The following SLC13A3 variants were observed in gnomAD, a reference collection of about 807,000 sequenced individuals.
SLC13A3 encodes solute carrier family 13 member 3.
In SLC13A3, 40 loss-of-function variants were observed where a neutral mutation model predicts 59.0. The ratio of observed to expected loss-of-function variants is 0.68; its 90% confidence interval spans 0.53 to 0.88. The LOEUF is 0.88. Among genes scored for constraint, SLC13A3 ranks in the 40% least tolerant of loss-of-function variants. The probability of loss-of-function intolerance (pLI) is 0.00; values close to 1 mark genes in which losing one functional copy is unlikely to be tolerated. For missense variants in SLC13A3, 699 were observed against 783.2 expected (o/e 0.89, Z 1.28); for synonymous variants, 317 against 330.3 (o/e 0.96, Z 0.44).
chr20:46,603,515 C>A (rs2062401972), intron 3 of SLC13A3, among the ~76,000 whole-genome samples: 1 of 151,520 alleles, frequency 6.6e-6, no homozygotes, highest in Non-Finnish European at 1.5e-5. Flanking sequence ...GCTGGGACCA[C>A]AGGCATGTGC....
intron 1 of SLC13A3, among the ~76,000 whole-genome samples, chr20:46,632,897 A>C (rs1173667715): frequency 4.2e-4 from 2 of 4,792 alleles, no homozygotes; most frequent in Non-Finnish European, 8.9e-4. Flanking sequence ...AGATAGATAG[A>C]TAGATAGATA....
intron 3 of SLC13A3, among the ~76,000 whole-genome samples, chr20:46,607,443 T>C (rs966250394): frequency 6.6e-6 from 1 of 152,216 alleles, no homozygotes; most frequent in African/African-American, 2.4e-5. Context: ...GGAATAGCTC[T>C]CTTTGTACTG....
At chr20:46,671,779 G>C (rs1053780664), upstream of SLC13A3, among the ~76,000 whole-genome samples, 3 of 152,148 alleles carry the variant, frequency 2.0e-5, no homozygotes, top group Non-Finnish European at 2.9e-5. Context: ...GTAGATACTT[G>C]TACCGGCATC....
intron 3 of SLC13A3, chr20:46,608,686 CT>C: frequency 1.7e-6 from 1 of 593,768 alleles, no homozygotes; most frequent in Non-Finnish European, 2.7e-6. Context: ...GTGAGATTAA[CT>C]TAGATGGTAC....
At chr20:46,606,108 A>G (rs567378376) in intron 3 of SLC13A3, among the ~76,000 whole-genome samples, 3 of 152,356 alleles carry the variant, frequency 2.0e-5, no homozygotes, top group Admixed American at 6.5e-5. Flanking sequence ...GTGAAGATTC[A>G]CAACAATGAG....
intron 9 of SLC13A3, among the ~76,000 whole-genome samples, chr20:46,579,628 G>A (rs2062114565): frequency 6.6e-6 from 1 of 152,144 alleles, no homozygotes; most frequent in Admixed American, 6.6e-5. Flanking sequence ...GGGAAATGCT[G>A]GAAACTCCAG....
intron 9 of SLC13A3, among the ~76,000 whole-genome samples, chr20:46,578,449 G>A (rs2745732): frequency 0.2 from 29,898 of 151,594 alleles, 2,957 homozygotes; most frequent in East Asian, 0.24. Context: ...GACAAGGTGG[G>A]CGGGTCACCT....
At position 46,613,548 on chromosome 20, in the gene SLC13A3, G is replaced by T. The variant is rs370462418; in HGVS notation, c.289C>A (p.Leu97Met). 1 of 1,614,114 alleles carries T rather than the reference G, an allele frequency of 6.2e-7. No homozygotes were observed. Among genetic ancestry groups the T allele is most frequent in the Admixed American group, 1.7e-5 (1 of 60,010 alleles). The change falls in exon 2 of 13, where the codon CTG becomes ATG. Residue 97 changes from leucine to methionine, a missense_variant. Transcript: ENST00000279027. ...LDTNFLFLSG[L>M]IMASAIEEWN... ...TCCTCAATGGCGCTGGCCATGATCA[G>T]CCCACTGAGGAAGAGGAAGTTGGTG... is the stretch of plus-strand genomic sequence containing the variant.
At chr20:46,583,464 G>A in intron 9 of SLC13A3, 108 bp downstream of exon 9, 1 of 1,511,070 alleles carries the variant, frequency 6.6e-7, no homozygotes. Flanking sequence ...AGGAGAAGCA[G>A]GAAGGACCAC....
chr20:46,575,694 A>G lies in SLC13A3; in HGVS notation c.1220-9T>C, dbSNP rs1344824003. On this transcript the variant is annotated splice_polypyrimidine_tract_variant and intron_variant, in intron 9 of 12. Coordinates refer to ENST00000279027, the MANE Select transcript of SLC13A3 (RefSeq NM_022829.6). ...TGTCTCTGTGTTGGGAGCTGGGCAGAGAGAGGGATTCAGCACACACTCAGG... is the reference window on the plus strand; with the variant it reads ...TGTCTCTGTGTTGGGAGCTGGGCAGGGAGAGGGATTCAGCACACACTCAGG... 2 of 1,556,890 alleles carry G rather than the reference A, an allele frequency of 1.3e-6. No homozygotes were observed. The highest frequency in any genetic ancestry group is 1.7e-6 in the Non-Finnish European group (2 of 1,143,060).
At chr20:46,602,247 G>A (rs76156391) in intron 3 of SLC13A3, among the ~76,000 whole-genome samples, 92 of 152,242 alleles carry the variant, frequency 6.0e-4, no homozygotes, top group African/African-American at 2.0e-3. Context: ...TGAGGTGGAG[G>A]ATCTGTTGAG....
At chr20:46,631,924 A>G (rs1192094222) in intron 1 of SLC13A3, among the ~76,000 whole-genome samples, 1 of 152,124 alleles carries the variant, frequency 6.6e-6, no homozygotes, top group African/African-American at 2.4e-5. Flanking sequence ...AAGAAAGAGA[A>G]GTGGTCTGTT....
In SLC13A3 at chr20:46,558,601, C is replaced by G. The variant is rs1229184069; in HGVS notation, c.*1421G>C. On this transcript the variant is annotated 3_prime_UTR_variant, in exon 13 of 13. Transcript: ENST00000279027. ...TAACTGTGATTCAACACTGAGTGCTCACTTGGAAAGGAGGTGGAGCTCAAC... is the reference window on the plus strand; with the variant it reads ...TAACTGTGATTCAACACTGAGTGCTGACTTGGAAAGGAGGTGGAGCTCAAC... 2 of 152,164 alleles carry G rather than the reference C, an allele frequency of 1.3e-5. No individual in the cohort carries two copies. Among genetic ancestry groups the G allele is most frequent in the African/African-American group, 4.8e-5 (2 of 41,432 alleles). The allele number at this position is 152,164 out of a possible 1,614,324, so 9.4% of individuals were successfully genotyped here.
chr20:46,583,187 T>C, intron 9 of SLC13A3: 1 of 695,406 alleles, frequency 1.4e-6, no homozygotes, highest in Non-Finnish European at 1.8e-6. Context: ...AAAATAAATT[T>C]CCACAAATTC....
At chr20:46,604,101 T>C (rs2062411306) in intron 3 of SLC13A3, among the ~76,000 whole-genome samples, 1 of 152,194 alleles carries the variant, frequency 6.6e-6, no homozygotes, top group African/African-American at 2.4e-5. Flanking sequence ...TAGGGAATGA[T>C]TCTGACACTC....
chr20:46,628,342 G>T (rs1362518219), intron 1 of SLC13A3, among the ~76,000 whole-genome samples: 1 of 152,176 alleles, frequency 6.6e-6, no homozygotes, highest in East Asian at 1.9e-4. Context: ...ATCTTGCTGA[G>T]CGGGCCCAGG....
chr20:46,684,147 T>C (rs1009134619), intron 1 of SLC13A3, among the ~76,000 whole-genome samples: 2 of 152,178 alleles, frequency 1.3e-5, no homozygotes, highest in Admixed American at 1.3e-4. Context: ...CTTCGCCAAC[T>C]TCGCACGCCA....
At chr20:46,613,314 A>AATAT in intron 2 of SLC13A3, 146 bp downstream of exon 2, 1 of 439,518 alleles carries the variant, frequency 2.3e-6, no homozygotes, top group Non-Finnish European at 3.4e-6. Flanking sequence ...TAAATAAATA[A>AATAT]ATAAATAAAT....
At chr20:46,570,043 G>A (rs938798783) in intron 10 of SLC13A3, among the ~76,000 whole-genome samples, 4 of 152,090 alleles carry the variant, frequency 2.6e-5, no homozygotes, top group Non-Finnish European at 4.4e-5. Context: ...AGAGACCAGC[G>A]AATTTGATTA....
Sources: allele counts gnomAD v4.1 joint callset (sites outside exome capture counted in the v4.1 genomes callset), GRCh38; gene constraint gnomAD v4.1.1; transcripts MANE v1.5; gene names NCBI Gene and HGNC (gene_info 2026-07-23, HGNC 2026-07-21).